MACROD2: variants seen among roughly 807,000 people sequenced by gnomAD.
The protein encoded by MACROD2 is ADP-ribose glycohydrolase MACROD2.
In MACROD2, 36 loss-of-function variants were observed where a neutral mutation model predicts 70.4. That is an observed-to-expected ratio of 0.51 (90% confidence interval 0.39 to 0.68). The LOEUF (loss-of-function observed/expected upper bound fraction) is 0.68. Among genes scored for constraint, MACROD2 ranks in the 30% least tolerant of loss-of-function variants. The pLI, the probability that MACROD2 is intolerant of heterozygous loss-of-function variation, is 0.00. For synonymous variants in MACROD2, 172 were observed against 178.8 expected (o/e 0.96, Z 0.30); for missense variants, 496 against 538.4 (o/e 0.92, Z 0.78).
chr20:15,538,860 A>T (rs2047913939), intron 8 of MACROD2, among the ~76,000 whole-genome samples: 1 of 152,134 alleles, frequency 6.6e-6, no homozygotes, highest in South Asian at 2.1e-4. Flanking sequence ...ATTGGATAGC[A>T]ATGGATTAAA....
chr20:14,103,606 A>G (rs143857817), intron 3 of MACROD2, among the ~76,000 whole-genome samples: 212 of 152,296 alleles, frequency 1.4e-3, no homozygotes, highest in South Asian at 8.1e-3. Context: ...AAGTATATAT[A>G]TCATTGTTTG....
intron 3 of MACROD2, among the ~76,000 whole-genome samples, chr20:14,313,807 G>A (rs188396031): frequency 9.8e-5 from 15 of 152,294 alleles, no homozygotes; most frequent in African/African-American, 4.8e-5. Flanking sequence ...TGGACAACCA[G>A]TGAATAGACT....
intron 2 of MACROD2, among the ~76,000 whole-genome samples, chr20:14,070,556 T>C (rs1368743362): frequency 6.6e-6 from 1 of 152,218 alleles, no homozygotes; most frequent in Non-Finnish European, 1.5e-5. Context: ...TCTATAGATA[T>C]TTGTGGGGTT....
At chr20:15,662,442 A>G (rs148878922) in intron 8 of MACROD2, among the ~76,000 whole-genome samples, 7 of 152,292 alleles carry the variant, frequency 4.6e-5, no homozygotes, top group African/African-American at 7.2e-5. Context: ...TAGGCACTTC[A>G]TAAGTAATAG....
chr20:14,286,142 T>C (rs1218891028), intron 3 of MACROD2, among the ~76,000 whole-genome samples: 1 of 152,110 alleles, frequency 6.6e-6, no homozygotes, highest in African/African-American at 2.4e-5. Context: ...ATAAACCCAA[T>C]TGATTCCAAG....
chr20:14,809,635 A>C (rs559024405), intron 5 of MACROD2, among the ~76,000 whole-genome samples: 1 of 152,066 alleles, frequency 6.6e-6, no homozygotes, highest in Non-Finnish European at 1.5e-5. Context: ...CAAAAAAATC[A>C]ATGAATCCAG....
At chr20:14,536,003 G>A (rs899899575) in intron 4 of MACROD2, among the ~76,000 whole-genome samples, 2 of 152,066 alleles carry the variant, frequency 1.3e-5, no homozygotes, top group Admixed American at 6.6e-5. Flanking sequence ...GTTGGTTATA[G>A]GAGGGAAATG....
intron 8 of MACROD2, among the ~76,000 whole-genome samples, chr20:15,678,249 CCAA>C (rs2050099134): frequency 1.3e-5 from 2 of 152,260 alleles, no homozygotes; most frequent in East Asian, 3.9e-4. Flanking sequence ...ATTTGTAATC[CCAA>C]CAACTCAGGA....
At chr20:14,091,105 T>G (rs960629185) in intron 3 of MACROD2, among the ~76,000 whole-genome samples, 1 of 152,232 alleles carries the variant, frequency 6.6e-6, no homozygotes, top group African/African-American at 2.4e-5. Flanking sequence ...TTTGTTTTCT[T>G]GCTGTTGAGT....
intron 4 of MACROD2, among the ~76,000 whole-genome samples, chr20:14,545,094 T>C (rs1222729398): frequency 1.3e-5 from 2 of 152,180 alleles, no homozygotes; most frequent in African/African-American, 4.8e-5. Context: ...ATTCACTCTC[T>C]GAGAGATGAA....
intron 4 of MACROD2, among the ~76,000 whole-genome samples, chr20:14,535,216 T>C (rs2085349346): frequency 6.6e-6 from 1 of 152,088 alleles, no homozygotes; most frequent in African/African-American, 2.4e-5. Context: ...TTATAGGAGT[T>C]ATCTTGGCTG....
chr20:14,661,058 TATATACTCAGTAATGGGA>T (rs1257502574), intron 4 of MACROD2, among the ~76,000 whole-genome samples: 6 of 152,132 alleles, frequency 3.9e-5, no homozygotes, highest in South Asian at 2.1e-4. Context: ...TTCCTGTGGG[TATATACTCAGTAATGGGA>T]TTGCTGAGTC....
intron 4 of MACROD2, among the ~76,000 whole-genome samples, chr20:14,543,023 T>C (rs976829211): frequency 3.9e-5 from 6 of 152,266 alleles, no homozygotes; most frequent in African/African-American, 1.4e-4. Flanking sequence ...AATTATGATT[T>C]GGAGATGTAA....
At chr20:15,107,909 A>T (rs2075923748) in intron 5 of MACROD2, among the ~76,000 whole-genome samples, 1 of 152,052 alleles carries the variant, frequency 6.6e-6, no homozygotes. Context: ...ATTGGTGCCC[A>T]GGTTCAGCTT....
At chr20:14,505,635 A>C (rs1003157449) in intron 4 of MACROD2, among the ~76,000 whole-genome samples, 45 of 152,350 alleles carry the variant, frequency 3.0e-4, no homozygotes, top group African/African-American at 1.1e-3. Flanking sequence ...GTTAAAACAC[A>C]GATTACTGGG....
rs576687366 is a variant in MACROD2, at chr20:14,301,446, A to G, written c.272-192033A>G. ...TGGTCGCCTTATAGGTTATAAGGCAATAAACCTCATACTGTAAGTTTATAA... is the reference window on the plus strand; with the variant it reads ...TGGTCGCCTTATAGGTTATAAGGCAGTAAACCTCATACTGTAAGTTTATAA... On this transcript the variant is annotated intron_variant, in intron 3 of 17. Coordinates refer to ENST00000684519, the MANE Select transcript of MACROD2 (RefSeq NM_001351661.2). 2.0e-5 allele frequency among the ~76,000 whole-genome samples: 3 copies of G among 152,330 alleles called. No homozygotes were observed. The South Asian group carries it at 6.2e-4, about 32-fold the overall frequency.
chr20:14,728,055 C>A (rs2071550864), intron 5 of MACROD2, among the ~76,000 whole-genome samples: 1 of 152,004 alleles, frequency 6.6e-6, no homozygotes, highest in Admixed American at 6.6e-5. Context: ...AAATTATGAC[C>A]CAGTAATTTC....
chr20:14,086,911 GTGAGTTTCAGTGTTA>G (rs1312704264), intron 3 of MACROD2, among the ~76,000 whole-genome samples: 1 of 152,164 alleles, frequency 6.6e-6, no homozygotes, highest in Non-Finnish European at 1.5e-5. Flanking sequence ...CAGAGTTCAG[GTGAGTTTCAGTGTTA>G]TCTCCAGGTT....
intron 8 of MACROD2, among the ~76,000 whole-genome samples, chr20:15,509,035 A>AT (rs1386899559): frequency 1.3e-5 from 2 of 152,164 alleles, no homozygotes; most frequent in Non-Finnish European, 2.9e-5. Context: ...TTGGAGGGTT[A>AT]TTTTTTTCAA....
Sources: gnomAD v4.1 joint callset for allele counts (sites outside exome capture counted in the v4.1 genomes callset) on GRCh38, gnomAD v4.1.1 for gene constraint, MANE v1.5 for transcripts, NCBI Gene and HGNC (gene_info 2026-07-23, HGNC 2026-07-21) for gene names.